SYNPO2L: variants seen among roughly 807,000 people sequenced by gnomAD.
SYNPO2L encodes the protein synaptopodin 2-like protein.
In SYNPO2L, 34 loss-of-function variants were observed where a neutral mutation model predicts 47.5. The ratio of observed to expected loss-of-function variants is 0.72; its 90% CI spans 0.54 to 0.95. SYNPO2L has a LOEUF of 0.95. SYNPO2L is among the 40% of genes least tolerant of loss of function. The probability of loss-of-function intolerance (pLI) is 0.00; values close to 1 mark genes in which losing one functional copy is unlikely to be tolerated. For missense variants in SYNPO2L, 1,246 were observed against 1,282.0 expected (o/e 0.97, Z 0.43); for synonymous variants, 536 against 524.9 (o/e 1.02, Z -0.29).
rs143434981 is a variant in SYNPO2L, at chr10:73,654,189, T to A, written c.197A>T (p.His66Leu). The A allele has an allele frequency of 1.5e-5, 23 of 1,551,568 alleles. No homozygotes were observed. Among genetic ancestry groups the A allele is most frequent in the Middle Eastern group, 1.7e-4 (1 of 5,992 alleles). Residue 66 changes from histidine to leucine, a missense_variant, in exon 2 of 4, where the codon CAT (histidine) becomes CTT (leucine). By Grantham distance (99) the His-to-Leu change is moderately conservative (BLOSUM62 -3). This residue lies in a region of SYNPO2L where 148 missense variants were observed against 204.8 expected (regional missense o/e 0.72). Coordinates refer to ENST00000394810, the MANE Select transcript of SYNPO2L (RefSeq NM_001114133.3). Reference sequence around the variant, plus strand: ...ATCGATGAGGCTCATGGCACTGGCATGGGAGAGGTTGGTGCAAGAGACCCC... The same window carrying A: ...ATCGATGAGGCTCATGGCACTGGCAAGGGAGAGGTTGGTGCAAGAGACCCC... ...INGVSCTNLSHASAMSLIDAS... is the reference protein window; with the variant it reads ...INGVSCTNLSLASAMSLIDAS...
In SYNPO2L at chr10:73,648,130, G is replaced by T. The variant is rs2081794744; in HGVS notation, c.1522C>A (p.Pro508Thr). The T allele has an allele frequency of 1.3e-6, 2 of 1,538,642 alleles. No individual in the cohort carries two copies. The highest frequency in any genetic ancestry group is 8.7e-7 in the Non-Finnish European group (1 of 1,144,390). The change falls in exon 4 of 4, where the codon CCC (proline) becomes ACC (threonine). Residue 508 changes from proline (P) to threonine (T), a missense_variant. Pro to Thr is a conservative substitution (Grantham distance 38, BLOSUM62 -1). Transcript: ENST00000394810. The part of the protein sequence containing the change: ...SLGGLSPAPP[P>T]FLSSQGPTPL... The stretch of plus-strand genomic sequence containing the variant: ...GTGGGCCCCTGCGAAGACAAGAAGG[G>T]GGGTGGGGCGGGGCTGAGGCCCCCC...
intron 3 of SYNPO2L, among the ~76,000 whole-genome samples, chr10:73,651,186 C>T (rs1485747284): frequency 1.3e-5 from 2 of 152,156 alleles, no homozygotes; most frequent in Non-Finnish European, 2.9e-5. Flanking sequence ...TGGATGTGGG[C>T]ACCTGCCTTC....
Position 73,647,441 on chromosome 10 carries a change from C to G in SYNPO2L, c.2211G>C (p.Gly737=). Residue 737 remains glycine (G), a synonymous_variant, in exon 4 of 4, where the codon GGG becomes GGC. Transcript: ENST00000394810. ...CCGAAGAGGCTGCCCCATTCACGAG[C>G]CCATCAAGGAGCCCTCGAGATGGGG... is the stretch of plus-strand genomic sequence containing the variant. ...PKPPSRGLLD[G]LVNGAASSAG... 1 of 1,607,350 alleles carries G rather than the reference C, an allele frequency of 6.2e-7. No individual in the cohort carries two copies. The highest frequency in any genetic ancestry group is 8.5e-7 in the Non-Finnish European group (1 of 1,175,220).
chr10:73,651,913 A>G (rs1270237358), intron 3 of SYNPO2L, among the ~76,000 whole-genome samples: 2 of 151,872 alleles, frequency 1.3e-5, no homozygotes, highest in African/African-American at 4.8e-5. Flanking sequence ...GTCTCTACTA[A>G]AAATACAAAA....
In SYNPO2L at chr10:73,653,291, C is replaced by A; in HGVS notation, c.620G>T (p.Gly207Val). The A allele has an allele frequency of 6.4e-7, 1 of 1,551,192 alleles. No homozygotes were observed. Among genetic ancestry groups the A allele is most frequent in the South Asian group, 1.2e-5 (1 of 83,994 alleles). Residue 207 changes from glycine (G) to valine (V), a missense_variant, in exon 3 of 4, where the codon GGG becomes GTG. Physicochemically the swap from Gly to Val is moderately radical, Grantham distance 109. This residue lies in a region of SYNPO2L where 1,037 missense variants were observed against 1,021.5 expected (regional missense o/e 1.02). Transcript: ENST00000394810. ...SRVSSPSWED[G>V]AALQPPPAEA... ...AGCTGGGGGTGGCTGAAGGGCTGCC[C>A]CATCCTCCCAAGACGGGGAGCTCAC...
At position 73,647,940 on chromosome 10, in the gene SYNPO2L, G is replaced by A. The variant is rs1329016238; in HGVS notation, c.1712C>T (p.Pro571Leu). 5 of 1,530,672 alleles carry A rather than the reference G, an allele frequency of 3.3e-6. No homozygotes were observed. The highest frequency in any genetic ancestry group is 1.4e-5 in the African/African-American group (1 of 72,050). 94.8% of individuals were successfully genotyped at this position (1,530,672 alleles called of 1,614,324 possible). A position where few individuals can be genotyped will look rare whatever the true frequency, so the allele number is the denominator to read the frequency against. ...PGGAPEPPAP[P>L]SAAAMTSTAS... is the part of the protein sequence containing the mutation. Reference sequence around the variant, plus strand: ...GGTGGAGGTCATGGCAGCTGCGCTAGGAGGAGCGGGGGGCTCTGGAGCTCC... The same window carrying A: ...GGTGGAGGTCATGGCAGCTGCGCTAAGAGGAGCGGGGGGCTCTGGAGCTCC... Residue 571 changes from proline to leucine, a missense_variant, in exon 4 of 4, where the codon CCT (proline) becomes CTT (leucine). By Grantham distance (98) the Pro-to-Leu change is moderately conservative. This residue lies in a region of SYNPO2L where 1,037 missense variants were observed against 1,021.5 expected (regional missense o/e 1.02). Transcript: ENST00000394810.
rs1183915744 is a variant in SYNPO2L at position 73,655,885 on chromosome 10, CCT to C, written c.36_37del (p.Gly14SerfsTer21). 2 of 1,551,426 alleles carry C rather than the reference CCT, an allele frequency of 1.3e-6. No homozygotes were observed. The highest frequency in any genetic ancestry group is 1.4e-5 in the African/African-American group (1 of 73,062). On this transcript the variant is annotated frameshift_variant, in exon 1 of 4. Transcript: ENST00000394810. LOFTEE classifies it high-confidence loss of function. ...AAGTCGGAAGCCCCAGGGGGCTCCC[CCT>C]GATAGTGTGACCAGCACCTCCTCCT...
In SYNPO2L at chr10:73,646,969, G is replaced by T; in HGVS notation, c.2683C>A (p.Pro895Thr). 1.2e-6 allele frequency: 2 copies of T among 1,611,368 alleles called. No homozygotes were observed. Among genetic ancestry groups the T allele is most frequent in the Non-Finnish European group, 1.7e-6 (2 of 1,178,312 alleles). ...GCCAGGGGTTCTGCAGTGGGCTGGG[G>T]TGCCGGAGTGGAAAACCGGCGAATC... The part of the protein sequence containing the change: ...QEIRRFSTPA[P>T]QPTAEPLAPT... Residue 895 changes from proline (P) to threonine (T), a missense_variant, in exon 4 of 4, where the codon CCC becomes ACC. Coordinates refer to ENST00000394810, the MANE Select transcript of SYNPO2L (RefSeq NM_001114133.3).
intron 3 of SYNPO2L, chr10:73,650,915 G>C: frequency 5.0e-6 from 8 of 1,613,024 alleles, no homozygotes; most frequent in Non-Finnish European, 6.8e-6. Flanking sequence ...TACCTGCATA[G>C]AACGAGTCTT....
At position 73,653,364 on chromosome 10, in the gene SYNPO2L, C is replaced by T; in HGVS notation, c.547G>A (p.Glu183Lys). The T allele has an allele frequency of 6.4e-7, 1 of 1,551,558 alleles. No individual in the cohort carries two copies. Among genetic ancestry groups the T allele is most frequent in the Non-Finnish European group, 8.7e-7 (1 of 1,146,982 alleles). ...DEVYLSDSPA[E>K]PAPTIPGPPS... is the part of the protein sequence containing the mutation. ...GGGCCAGGGATAGTAGGTGCTGGCT[C>T]TGCAGGGCTGTCAGACAGGTAGACC... Residue 183 changes from glutamate to lysine, a missense_variant, in exon 3 of 4, where the codon GAG becomes AAG. By Grantham distance (56) the Glu-to-Lys change is moderately conservative (BLOSUM62 1). Coordinates refer to ENST00000394810, the MANE Select transcript of SYNPO2L (RefSeq NM_001114133.3).
rs367837231 is a variant in SYNPO2L, at chr10:73,648,820, T to C, written c.832A>G (p.Arg278Gly). The C allele has an allele frequency of 5.5e-5, 87 of 1,575,238 alleles. No homozygotes were observed. The highest frequency in any genetic ancestry group is 2.7e-4 in the Admixed American group (15 of 55,734). Reference sequence around the variant, plus strand: ...GCAGTGAGCAGGGATGCAATTGTCCTGCATTTGGTCTTGGCCTCTTTTATG... The same window carrying C: ...GCAGTGAGCAGGGATGCAATTGTCCCGCATTTGGTCTTGGCCTCTTTTATG... The part of the protein sequence containing the change: ...KSIKEAKTKC[R>G]TIASLLTAAP... The change falls in exon 4 of 4, where the codon AGG becomes GGG. Residue 278 changes from arginine (R) to glycine (G), a missense_variant. Arg to Gly is a moderately radical substitution (Grantham distance 125). This residue lies in a region of SYNPO2L where 1,037 missense variants were observed against 1,021.5 expected (regional missense o/e 1.02). Transcript: ENST00000394810.
Position 73,648,175 on chromosome 10 carries a change from T to G in SYNPO2L, c.1477A>C (p.Lys493Gln). The change falls in exon 4 of 4, where the codon AAA (lysine) becomes CAA (glutamine). Residue 493 changes from lysine to glutamine, a missense_variant. Physicochemically the swap from Lys to Gln is moderately conservative, Grantham distance 53 (BLOSUM62 1). Transcript: ENST00000394810. ...TSVIFRPLAP[K>Q]RANDSLGGLS... ...CCCCCCAGGCTGTCGTTCGCCCTTT[T>G]GGGGGCTAAAGGCCGGAAAATAACC... 6.4e-7 allele frequency: 1 copy of G among 1,561,110 alleles called. No individual in the cohort carries two copies. The highest frequency in any genetic ancestry group is 1.4e-5 in the African/African-American group (1 of 74,062).
At chr10:73,649,887 G>C in intron 3 of SYNPO2L, 1 of 985,396 alleles carries the variant, frequency 1.0e-6, no homozygotes, top group Non-Finnish European at 1.2e-6. Flanking sequence ...AAATCTTTAG[G>C]ATACCTCAAG....
At chr10:73,655,203 T>A (rs1331814827) in intron 1 of SYNPO2L, among the ~76,000 whole-genome samples, 1 of 152,196 alleles carries the variant, frequency 6.6e-6, no homozygotes, top group African/African-American at 2.4e-5. Context: ...GGTACTATTA[T>A]TACCCACATT....
chr10:73,644,917 C>T lies in SYNPO2L; in HGVS notation c.*1801G>A. The T allele has an allele frequency of 4.0e-6, 4 of 991,512 alleles. No individual in the cohort carries two copies. The South Asian group carries it at 4.9e-5, about 12-fold the overall frequency. 61.4% of individuals were successfully genotyped at this position (991,512 alleles called of 1,614,324 possible). ...GCATAAATTTATTCTTGTGCACAAACCAAAGTATTGTGACTCACACCCAAC... is the reference window on the plus strand; with the variant it reads ...GCATAAATTTATTCTTGTGCACAAATCAAAGTATTGTGACTCACACCCAAC... On this transcript the variant is annotated 3_prime_UTR_variant, in exon 4 of 4. Coordinates refer to ENST00000394810, the MANE Select transcript of SYNPO2L (RefSeq NM_001114133.3).
Position 73,647,627 on chromosome 10 carries a change from A to C in SYNPO2L, c.2025T>G (p.Asp675Glu), listed in dbSNP as rs1564990769. 4 of 1,614,158 alleles carry C rather than the reference A, an allele frequency of 2.5e-6. No homozygotes were observed. The South Asian group carries it at 4.4e-5, about 18-fold the overall frequency. The change falls in exon 4 of 4, where the codon GAT (aspartate) becomes GAG (glutamate). Residue 675 changes from aspartate (D) to glutamate (E), a missense_variant. By Grantham distance (45) the Asp-to-Glu change is conservative. Coordinates refer to ENST00000394810, the MANE Select transcript of SYNPO2L (RefSeq NM_001114133.3). Reference sequence around the variant, plus strand: ...AGGCTTCAGCCCCGAGGCTCAGAGCATCTTCTTCAGGACCAGATTCTGCAC... The same window carrying C: ...AGGCTTCAGCCCCGAGGCTCAGAGCCTCTTCTTCAGGACCAGATTCTGCAC... The part of the protein sequence containing the change: ...AGGAESGPEE[D>E]ALSLGAEACN...
At position 73,644,998 on chromosome 10, in the gene SYNPO2L, C is replaced by A. The variant is rs767455524; in HGVS notation, c.*1720G>T. On this transcript the variant is annotated 3_prime_UTR_variant, in exon 4 of 4. Coordinates refer to ENST00000394810, the MANE Select transcript of SYNPO2L (RefSeq NM_001114133.3). ...CACAGCAAACGTAGCTGGTGGTGGT[C>A]TTGGTGAGAAGGGAGTCCATACTAA... 1.6e-5 allele frequency: 20 copies of A among 1,247,444 alleles called. No individual in the cohort carries two copies. The highest frequency in any genetic ancestry group is 1.8e-5 in the Non-Finnish European group (17 of 968,610). 77.3% of individuals were successfully genotyped at this position (1,247,444 alleles called of 1,614,324 possible).
chr10:73,645,473 G>C lies in SYNPO2L; in HGVS notation c.*1245C>G, dbSNP rs1287076788. The C allele has an allele frequency of 1.0e-6, 1 of 989,862 alleles. No homozygotes were observed. The highest frequency in any genetic ancestry group is 1.2e-6 in the Non-Finnish European group (1 of 833,530). The allele number at this position is 989,862 out of a possible 1,614,324, so 61.3% of individuals were successfully genotyped here. On this transcript the variant is annotated 3_prime_UTR_variant, in exon 4 of 4. Coordinates refer to ENST00000394810, the MANE Select transcript of SYNPO2L (RefSeq NM_001114133.3). ...CTTCTCCTTTCTCTCAAGCTCATGA[G>C]GCAATGAAGCCAATGATTTGTTCAT... is the stretch of plus-strand genomic sequence containing the variant.
At chr10:73,650,911 C>T in intron 3 of SYNPO2L, 1 of 1,612,370 alleles carries the variant, frequency 6.2e-7, no homozygotes, top group South Asian at 1.1e-5. Flanking sequence ...GTAGTACCTG[C>T]ATAGAACGAG....
Sources: allele counts gnomAD v4.1 joint callset (sites outside exome capture counted in the v4.1 genomes callset), GRCh38; gene constraint gnomAD v4.1.1; regional missense constraint gnomAD v4.1.1; transcripts MANE v1.5; gene names NCBI Gene and HGNC (gene_info 2026-07-23, HGNC 2026-07-21).